GNG4: variants seen among roughly 807,000 people sequenced by gnomAD.
GNG4 encodes the protein guanine nucleotide-binding protein G(I)/G(S)/G(O) subunit gamma-4.
A neutral mutation model predicts 5.8 loss-of-function variants in GNG4; 4 were observed. The observed-to-expected ratio is 0.69, with a 90% confidence interval of 0.34 to 1.57. The LOEUF (loss-of-function observed/expected upper bound fraction) is 1.57, where lower values mean the gene tolerates loss of function less well. Ranked by LOEUF, GNG4 falls within the 40% of genes most tolerant of loss-of-function variation. The probability of loss-of-function intolerance (pLI) is 0.06; values close to 1 mark genes in which losing one functional copy is unlikely to be tolerated. For missense variants in GNG4, 96 were observed against 95.1 expected (o/e 1.01, Z -0.04); for synonymous variants, 29 against 32.9 (o/e 0.88, Z 0.41).
upstream of GNG4, chr1:235,650,494 G>A (rs974224802): frequency 6.6e-6 from 1 of 152,378 alleles, no homozygotes; most frequent in Non-Finnish European, 1.5e-5. Context: ...CTGCACCAAG[G>A]GACGCCTCGG....
chr1:235,633,494 A>T (rs943244103), intron 1 of GNG4, among the ~76,000 whole-genome samples: 6 of 152,124 alleles, frequency 3.9e-5, no homozygotes, highest in Admixed American at 3.9e-4. Flanking sequence ...AATTTAAAAA[A>T]TTTTTATTTT....
In GNG4 at chr1:235,610,110, G is replaced by A. The variant is rs144356021; in HGVS notation, c.-122-14599C>T. On this transcript the variant is annotated intron_variant, in intron 1 of 3. Coordinates refer to ENST00000391854, the MANE Select transcript of GNG4 (RefSeq NM_001098722.2). ...TAGTAAATTCAGCTGAGAATCACAC[G>A]CCACATGGAGTTCTTATGCCTCTTT... is the stretch of plus-strand genomic sequence containing the variant. Among the ~76,000 whole-genome samples the A allele has an allele frequency of 2.0e-5, 3 of 152,236 alleles. No homozygotes were observed. The East Asian group carries it at 5.8e-4, about 29-fold the overall frequency.
At chr1:235,630,943 G>A (rs568843838) in intron 1 of GNG4, among the ~76,000 whole-genome samples, 6 of 151,170 alleles carry the variant, frequency 4.0e-5, no homozygotes, top group Non-Finnish European at 8.8e-5. Flanking sequence ...CTGTCACCCC[G>A]GCTGGAGTGC....
chr1:235,574,697 CTTTT>C (rs1450874734), intron 3 of GNG4, among the ~76,000 whole-genome samples: 1 of 152,130 alleles, frequency 6.6e-6, no homozygotes, highest in East Asian at 1.9e-4. Flanking sequence ...GTTCTCCTTT[CTTTT>C]AAGCACCAAA....
chr1:235,602,114 A>G (rs536272153), intron 1 of GNG4, among the ~76,000 whole-genome samples: 231 of 152,322 alleles, frequency 1.5e-3, no homozygotes, highest in Non-Finnish European at 2.7e-3. Context: ...TCTACTAAAA[A>G]TACAAAAATT....
intron 3 of GNG4, among the ~76,000 whole-genome samples, chr1:235,558,995 G>C (rs1472330641): frequency 6.6e-6 from 1 of 152,190 alleles, no homozygotes; most frequent in Non-Finnish European, 1.5e-5. Context: ...TCAATGATGG[G>C]AGAAAATGCC....
chr1:235,549,767 T>C lies in GNG4; in HGVS notation c.*2342A>G, dbSNP rs1344562346. 1 of 152,226 alleles carries C rather than the reference T, an allele frequency of 6.6e-6. No individual in the cohort carries two copies. The highest frequency in any genetic ancestry group is 6.5e-5 in the Admixed American group (1 of 15,290). 9.4% of individuals were successfully genotyped at this position (152,226 alleles called of 1,614,324 possible). On this transcript the variant is annotated 3_prime_UTR_variant, in exon 4 of 4. Transcript: ENST00000391854. ...ACGAGGGCAGCAAGTCATTAATTGGTCTGGAAATTACATTTGCCTCTTTGC... is the reference window on the plus strand; with the variant it reads ...ACGAGGGCAGCAAGTCATTAATTGGCCTGGAAATTACATTTGCCTCTTTGC...
At chr1:235,590,603 C>T (rs551091761) in intron 2 of GNG4, among the ~76,000 whole-genome samples, 33 of 152,304 alleles carry the variant, frequency 2.2e-4, no homozygotes, top group African/African-American at 7.0e-4. Flanking sequence ...CTGCTGCCCT[C>T]GGCTCACCCT....
chr1:235,587,270 G>A (rs142207156), intron 2 of GNG4, among the ~76,000 whole-genome samples: 1,389 of 133,228 alleles, frequency 0.01, 25 homozygotes, highest in Non-Finnish European at 0.016. Flanking sequence ...GTGTATGTGA[G>A]TGTGTGTGAA....
intron 1 of GNG4, among the ~76,000 whole-genome samples, chr1:235,621,190 C>T (rs1344211451): frequency 7.2e-6 from 1 of 139,734 alleles, no homozygotes; most frequent in Admixed American, 7.6e-5. Flanking sequence ...CCTCTTCTGA[C>T]GAGATGGTAA....
intron 3 of GNG4, among the ~76,000 whole-genome samples, chr1:235,560,640 G>A (rs1355177664): frequency 2.0e-5 from 3 of 152,188 alleles, no homozygotes; most frequent in Non-Finnish European, 4.4e-5. Context: ...AAACAGACAC[G>A]AAGAAGTTTC....
At chr1:235,591,527 A>C (rs1185871426) in intron 2 of GNG4, among the ~76,000 whole-genome samples, 1 of 152,218 alleles carries the variant, frequency 6.6e-6, no homozygotes, top group Non-Finnish European at 1.5e-5. Flanking sequence ...GCTCCACCTG[A>C]ATAACGCCCC....
intron 1 of GNG4, among the ~76,000 whole-genome samples, chr1:235,635,874 C>T (rs182170469): frequency 5.3e-5 from 8 of 152,338 alleles, no homozygotes; most frequent in Admixed American, 2.0e-4. Flanking sequence ...AATTGCTCTA[C>T]ACAGGTTTCC....
Position 235,549,859 on chromosome 1 carries a change from C to A in GNG4, c.*2250G>T, listed in dbSNP as rs1686694206. 1 of 152,210 alleles carries A rather than the reference C, an allele frequency of 6.6e-6. No homozygotes were observed. Among genetic ancestry groups the A allele is most frequent in the Admixed American group, 6.5e-5 (1 of 15,282 alleles). The allele number at this position is 152,210 out of a possible 1,614,324, so 9.4% of individuals were successfully genotyped here. A position where few individuals can be genotyped will look rare whatever the true frequency, so the allele number is the denominator to read the frequency against. Reference sequence around the variant, plus strand: ...GTCATCCATTCTTCCCTATATTATACCACGGCATTTAGTACATTTATTTGT... The same window carrying A: ...GTCATCCATTCTTCCCTATATTATAACACGGCATTTAGTACATTTATTTGT... On this transcript the variant is annotated 3_prime_UTR_variant, in exon 4 of 4. Coordinates refer to ENST00000391854, the MANE Select transcript of GNG4 (RefSeq NM_001098722.2).
At chr1:235,631,409 C>T (rs1449529497) in intron 1 of GNG4, among the ~76,000 whole-genome samples, 1 of 152,206 alleles carries the variant, frequency 6.6e-6, no homozygotes, top group African/African-American at 2.4e-5. Flanking sequence ...ACATGCTGCT[C>T]TATCAGCTGA....
At chr1:235,615,785 T>C (rs939373458) in intron 1 of GNG4, 21 of 261,342 alleles carry the variant, frequency 8.0e-5, no homozygotes, top group Non-Finnish European at 1.6e-4. Context: ...AATGGGGACC[T>C]GGACCACATG....
chr1:235,556,991 G>T (rs1046565504), intron 3 of GNG4, among the ~76,000 whole-genome samples: 4 of 152,076 alleles, frequency 2.6e-5, no homozygotes, highest in African/African-American at 9.7e-5. Flanking sequence ...TCTCACAGGA[G>T]GCAGAGCTCA....
rs771769989 is a variant in GNG4 at position 235,554,760 on chromosome 1, G to A, written c.100-2523C>T. On this transcript the variant is annotated intron_variant, in intron 3 of 3. Coordinates refer to ENST00000391854, the MANE Select transcript of GNG4 (RefSeq NM_001098722.2). ...CTCAGGAGGCTGAGGCAGGAGAATCGCTTGAACTCGGGAGTTGGAAGTTGC... is the reference window on the plus strand; with the variant it reads ...CTCAGGAGGCTGAGGCAGGAGAATCACTTGAACTCGGGAGTTGGAAGTTGC... 5.3e-5 allele frequency among the ~76,000 whole-genome samples: 8 copies of A among 150,262 alleles called. No individual in the cohort carries two copies. The East Asian group carries it at 1.4e-3, about 26-fold the overall frequency.
chr1:235,603,477 G>A (rs1026836364), intron 1 of GNG4, among the ~76,000 whole-genome samples: 2 of 152,112 alleles, frequency 1.3e-5, no homozygotes, highest in Non-Finnish European at 2.9e-5. Flanking sequence ...TGCAGGGAAC[G>A]AGGTGCCCTC....
Sources: gnomAD v4.1 joint callset for allele counts (sites outside exome capture counted in the v4.1 genomes callset) on GRCh38, gnomAD v4.1.1 for gene constraint, MANE v1.5 for transcripts, NCBI Gene and HGNC (gene_info 2026-07-23, HGNC 2026-07-21) for gene names.